VPS13B: variants seen among roughly 807,000 people sequenced by gnomAD.
The protein encoded by VPS13B is vacuolar protein sorting 13 homolog B.
Under a neutral mutation model 426.4 loss-of-function variants are expected in VPS13B, and 285 were observed. That is an observed-to-expected ratio of 0.67 (90% CI 0.61 to 0.74). VPS13B has a LOEUF of 0.74. Ranked by LOEUF, VPS13B falls within the 30% of genes least tolerant of loss-of-function variation. VPS13B has a pLI of 0.00. For synonymous variants in VPS13B, 1,676 were observed against 1,676.4 expected, an observed-to-expected ratio of 1.00 and a Z score of 0.01; for missense variants, 4,537 against 4,782.6, an observed-to-expected ratio of 0.95 and a Z score of 1.51.
chr8:99,148,199 T>C (rs1036121716), intron 14 of VPS13B, among the ~76,000 whole-genome samples, 189 bp downstream of exon 14: 12 of 151,482 alleles, frequency 7.9e-5, no homozygotes, highest in African/African-American at 2.9e-4. Context: ...GCAACAGCAA[T>C]ACCTTGTCTC....
At chr8:99,180,658 G>T (rs991791754) in intron 16 of VPS13B, among the ~76,000 whole-genome samples, 2 of 152,162 alleles carry the variant, frequency 1.3e-5, no homozygotes, top group Non-Finnish European at 1.5e-5. Context: ...GGGAAATTGT[G>T]TTGCAAGTGT....
chr8:99,285,676 CT>C (rs1418835573), intron 19 of VPS13B, among the ~76,000 whole-genome samples: 1 of 152,014 alleles, frequency 6.6e-6, no homozygotes, highest in African/African-American at 2.4e-5. Context: ...TGACATTAGC[CT>C]TGTGATCCTG....
In VPS13B at chr8:99,778,700, A is replaced by G; in HGVS notation, c.7448A>G (p.Gln2483Arg). 6.2e-7 allele frequency: 1 copy of G among 1,613,932 alleles called. No homozygotes were observed. The highest frequency in any genetic ancestry group is 8.5e-7 in the Non-Finnish European group (1 of 1,179,866). The change falls in exon 42 of 62, where the codon CAG becomes CGG. Residue 2483 changes from glutamine to arginine, a missense_variant. By Grantham distance (43) the Gln-to-Arg change is conservative. This residue lies in a region of VPS13B where 4,311 missense variants were observed against 4,474.3 expected (regional missense o/e 0.96). Transcript: ENST00000357162. ...TCAACAGCTGCACCACAGTACCTAC[A>G]GCCATTTGTTTCCGACAGAAATATG... ...QLGTAAPQYL[Q>R]PFVSDRNMPS... is the part of the protein sequence containing the mutation.
In VPS13B at chr8:99,680,030, T is replaced by G. The variant is rs555894661; in HGVS notation, c.6046+18539T>G. Among the ~76,000 whole-genome samples the G allele has an allele frequency of 2.0e-5, 3 of 152,314 alleles. 1 individual carries two copies. The South Asian group carries it at 6.2e-4, about 32-fold the overall frequency. On this transcript the variant is annotated intron_variant, in intron 35 of 61. Transcript: ENST00000357162. ...GTGTCTGTACATAGCCACCCGTGTATGCACTGAATGTTTTCTTGTAAGTCT... is the reference window on the plus strand; with the variant it reads ...GTGTCTGTACATAGCCACCCGTGTAGGCACTGAATGTTTTCTTGTAAGTCT...
chr8:99,592,318 C>T (rs1485110113), intron 33 of VPS13B, among the ~76,000 whole-genome samples: 1 of 152,070 alleles, frequency 6.6e-6, no homozygotes, highest in Non-Finnish European at 1.5e-5. Context: ...CTACTTCTGT[C>T]AGCTCGTCAA....
intron 19 of VPS13B, among the ~76,000 whole-genome samples, chr8:99,322,767 A>G (rs2133131784): frequency 6.6e-6 from 1 of 152,330 alleles, no homozygotes; most frequent in African/African-American, 2.4e-5. Context: ...AATTTAAGGA[A>G]GTTGGAATGG....
chr8:99,207,949 T>C (rs1012221968), intron 17 of VPS13B, among the ~76,000 whole-genome samples: 1 of 152,190 alleles, frequency 6.6e-6, no homozygotes, highest in Non-Finnish European at 1.5e-5. Context: ...TGTCACCTAT[T>C]ACAAGATCAA....
Position 99,606,498 on chromosome 8 carries a change from CAAAAAAA to C in VPS13B, c.5220+28875_5220+28881del, listed in dbSNP as rs370527702. Among the ~76,000 whole-genome samples, 703 of 74,344 alleles carry C rather than the reference CAAAAAAA, an allele frequency of 9.5e-3. 8 individuals are homozygous for C. The highest frequency in any genetic ancestry group is 0.032 in the African/African-American group (626 of 19,282). The allele number at this position is 74,344 out of a possible 152,430, so 48.8% of individuals were successfully genotyped here. A position where few individuals can be genotyped will look rare whatever the true frequency, so the allele number is the denominator to read the frequency against. ...CAGACAACATAGCAAGACTCAGTTTCAAAAAAAAAAAAAAAAGAAAAAAGAAAAAGAA... is the reference window on the plus strand; with the variant it reads ...CAGACAACATAGCAAGACTCAGTTTCAAAAAAAAAGAAAAAAGAAAAAGAA... On this transcript the variant is annotated intron_variant, in intron 33 of 61. Coordinates refer to ENST00000357162, the MANE Select transcript of VPS13B (RefSeq NM_152564.5).
At chr8:99,411,738 A>G (rs1588345266) in intron 21 of VPS13B, among the ~76,000 whole-genome samples, 1 of 152,126 alleles carries the variant, frequency 6.6e-6, no homozygotes, top group Admixed American at 6.5e-5. Flanking sequence ...TAATTTTTGT[A>G]TAAGGTGTAA....
At chr8:99,495,893 C>T (rs1363529527) in intron 25 of VPS13B, among the ~76,000 whole-genome samples, 2 of 152,092 alleles carry the variant, frequency 1.3e-5, no homozygotes, top group African/African-American at 4.8e-5. Flanking sequence ...GCGGTTGAGG[C>T]GTCTGGTGAG....
At chr8:99,226,141 T>A (rs1816005119) in intron 17 of VPS13B, among the ~76,000 whole-genome samples, 1 of 152,198 alleles carries the variant, frequency 6.6e-6, no homozygotes, top group Non-Finnish European at 1.5e-5. Flanking sequence ...AGATGGGGTT[T>A]CACTGTGTTA....
intron 39 of VPS13B, among the ~76,000 whole-genome samples, chr8:99,737,213 C>T (rs987187044): frequency 1.4e-4 from 20 of 146,746 alleles, no homozygotes; most frequent in Admixed American, 6.8e-4. Flanking sequence ...CTCCGCCTCC[C>T]GGGTTCATGC....
At chr8:99,355,237 C>T (rs1217703212) in intron 19 of VPS13B, among the ~76,000 whole-genome samples, 1 of 152,140 alleles carries the variant, frequency 6.6e-6, no homozygotes, top group Non-Finnish European at 1.5e-5. Flanking sequence ...TGCCATTCCC[C>T]TATTAAAGCC....
intron 19 of VPS13B, among the ~76,000 whole-genome samples, chr8:99,380,442 TC>T (rs1293723263): frequency 6.6e-6 from 1 of 152,186 alleles, no homozygotes; most frequent in Non-Finnish European, 1.5e-5. Context: ...CTTTTCTGTG[TC>T]TTTCTTTTCT....
Position 99,853,577 on chromosome 8 carries a change from CT to C in VPS13B, c.10189del (p.Cys3397ValfsTer33), listed in dbSNP as rs777336157. 2 of 1,614,072 alleles carry C rather than the reference CT, an allele frequency of 1.2e-6. No individual in the cohort carries two copies. Among genetic ancestry groups the C allele is most frequent in the African/African-American group, 2.7e-5 (2 of 74,926 alleles). On this transcript the variant is annotated frameshift_variant, in exon 56 of 62. Transcript: ENST00000357162. LOFTEE classifies it high-confidence loss of function. Reference protein sequence around the residue: ...LRLTLDNIFLCVAPGAGPLPG... With the variant: ...LRLTLDNIFLXVAPGAGPLPG... ...GACTCACACTGGACAACATTTTTCT[CT>C]GTGTGGCCCCGGGAGCTGGTCCCCT... is the stretch of plus-strand genomic sequence containing the variant.
chr8:99,573,037 A>G (rs1164013893), intron 31 of VPS13B, among the ~76,000 whole-genome samples: 1 of 152,050 alleles, frequency 6.6e-6, no homozygotes, highest in East Asian at 1.9e-4. Context: ...TTTGTTTTGC[A>G]TTTCTCTGAT....
chr8:99,381,727 TC>T (rs1813822822), intron 19 of VPS13B, among the ~76,000 whole-genome samples: 1 of 152,176 alleles, frequency 6.6e-6, no homozygotes, highest in Admixed American at 6.5e-5. Context: ...TCTGTTCATG[TC>T]CTTTGCCCAC....
rs370235149 is a variant in VPS13B, at chr8:99,832,341, A to ATTTTTTTTT, written c.9331-11_9331-3dup. On this transcript the variant is annotated intron_variant, in intron 51 of 61. Coordinates refer to ENST00000357162, the MANE Select transcript of VPS13B (RefSeq NM_152564.5). ...TTACTGTAGCTAATGTGCTCTCTGC[A>ATTTTTTTTT]TTTTTTTTTTTTTTTTTTTTTTTTT... 2.4e-4 allele frequency: 285 copies of ATTTTTTTTT among 1,194,920 alleles called. 5 individuals carry two copies. Among genetic ancestry groups the ATTTTTTTTT allele is most frequent in the East Asian group, 5.1e-4 (14 of 27,596 alleles). The allele number at this position is 1,194,920 out of a possible 1,614,324, so 74.0% of individuals were successfully genotyped here. A position where few individuals can be genotyped will look rare whatever the true frequency, so the allele number is the denominator to read the frequency against.
At chr8:99,039,908 A>G (rs2132226610) in intron 3 of VPS13B, among the ~76,000 whole-genome samples, 1 of 152,260 alleles carries the variant, frequency 6.6e-6, no homozygotes, top group Non-Finnish European at 1.5e-5. Context: ...GTGAACTTCT[A>G]ATATTTGAGA....
Sources: gnomAD v4.1 joint callset for allele counts (sites outside exome capture counted in the v4.1 genomes callset) on GRCh38, gnomAD v4.1.1 for gene constraint, gnomAD v4.1.1 regional missense constraint, MANE v1.5 for transcripts, NCBI Gene and HGNC (gene_info 2026-07-23, HGNC 2026-07-21) for gene names.